ARSK: variants seen among roughly 807,000 people sequenced by gnomAD.
ARSK encodes the protein arylsulfatase K.
In ARSK, 37 loss-of-function variants were observed where a neutral mutation model predicts 53.2. The observed-to-expected ratio is 0.70, with a 90% CI of 0.54 to 0.92. The LOEUF is 0.92. Ranked by LOEUF, ARSK falls within the 40% of genes least tolerant of loss-of-function variation. ARSK has a pLI of 0.00. For synonymous variants in ARSK, 208 were observed against 223.2 expected, an observed-to-expected ratio of 0.93 and a Z score of 0.61; for missense variants, 613 against 643.0, an observed-to-expected ratio of 0.95 and a Z score of 0.51.
At chr5:95,588,699 C>T (rs569333670) in intron 5 of ARSK, among the ~76,000 whole-genome samples, 1 of 152,196 alleles carries the variant, frequency 6.6e-6, no homozygotes, top group East Asian at 1.9e-4. Flanking sequence ...ATTTGTGGCT[C>T]ACGCCTGTAA....
intron 6 of ARSK, among the ~76,000 whole-genome samples, chr5:95,596,957 G>T (rs1448294779): frequency 1.3e-4 from 20 of 151,974 alleles, no homozygotes; most frequent in African/African-American, 4.8e-4. Context: ...AGTGTGATAG[G>T]ATACTATTAC....
intron 6 of ARSK, among the ~76,000 whole-genome samples, chr5:95,599,482 C>T (rs1749362706): frequency 6.6e-6 from 1 of 152,178 alleles, no homozygotes; most frequent in Non-Finnish European, 1.5e-5. Flanking sequence ...CCCTCACAGC[C>T]TTCTTTCCAC....
chr5:95,592,155 G>A (rs1466314868), intron 6 of ARSK, among the ~76,000 whole-genome samples: 3 of 152,100 alleles, frequency 2.0e-5, no homozygotes, highest in Non-Finnish European at 4.4e-5. Context: ...CTAGAATAAC[G>A]ACATAATCAA....
intron 3 of ARSK, among the ~76,000 whole-genome samples, chr5:95,581,761 C>T (rs988106349): frequency 1.2e-4 from 19 of 152,154 alleles, no homozygotes; most frequent in Non-Finnish European, 1.9e-4. Context: ...CAAAATGAGA[C>T]GCCAGTGTCA....
chr5:95,601,059 C>T lies in ARSK; in HGVS notation c.1309C>T (p.Pro437Ser), dbSNP rs1749394880. 1 of 1,612,678 alleles carries T rather than the reference C, an allele frequency of 6.2e-7. No homozygotes were observed. Among genetic ancestry groups the T allele is most frequent in the African/African-American group, 1.3e-5 (1 of 74,892 alleles). The change falls in exon 7 of 8, where the codon CCT (proline) becomes TCT (serine). Residue 437 changes from proline to serine, a missense_variant. Transcript: ENST00000380009. The part of the protein sequence containing the change: ...IAYSDGASIL[P>S]QLFDLSSDPD... ...CTATTCGGATGGTGCATCAATATTGCCTCAACTCTTTGGTAAGTTTGTTAA... is the reference window on the plus strand; with the variant it reads ...CTATTCGGATGGTGCATCAATATTGTCTCAACTCTTTGGTAAGTTTGTTAA...
intron 3 of ARSK, among the ~76,000 whole-genome samples, chr5:95,574,959 A>G (rs1033317029): frequency 1.3e-5 from 2 of 152,320 alleles, no homozygotes; most frequent in African/African-American, 4.8e-5. Context: ...GCTTTCTTTT[A>G]GTAATTTCAT....
At chr5:95,576,634 C>G (rs1748928932) in intron 3 of ARSK, among the ~76,000 whole-genome samples, 1 of 151,880 alleles carries the variant, frequency 6.6e-6, no homozygotes, top group Non-Finnish European at 1.5e-5. Context: ...CCTGTAACCC[C>G]AGCACTTTGG....
intron 6 of ARSK, among the ~76,000 whole-genome samples, chr5:95,598,669 T>G (rs765687755): frequency 7.9e-5 from 12 of 152,182 alleles, no homozygotes; most frequent in Non-Finnish European, 1.8e-4. Context: ...GATTTCCCAT[T>G]TCACCTAGAG....
In ARSK at chr5:95,601,795, C is replaced by T. The variant is rs1749404830; in HGVS notation, c.1321+724C>T. Among the ~76,000 whole-genome samples, 7 of 152,276 alleles carry T rather than the reference C, an allele frequency of 4.6e-5. No individual in the cohort carries two copies. The South Asian group carries it at 1.4e-3, about 32-fold the overall frequency. ...TATTATCAAAATAATACTTTGGGGG[C>T]CAAACTGGCCAACCCCCTTCACTTG... is the stretch of plus-strand genomic sequence containing the variant. On this transcript the variant is annotated intron_variant, in intron 7 of 7. Coordinates refer to ENST00000380009, the MANE Select transcript of ARSK (RefSeq NM_198150.3).
rs564884775 is a variant in ARSK at position 95,589,234 on chromosome 5, G to A, written c.872-2167G>A. On this transcript the variant is annotated intron_variant, in intron 5 of 7. Coordinates refer to ENST00000380009, the MANE Select transcript of ARSK (RefSeq NM_198150.3). ...CTAATTATTCGTCTGTTTACCATCT[G>A]TTTCCCTAGAAGAACACAAGCTTCA... 2.0e-5 allele frequency among the ~76,000 whole-genome samples: 3 copies of A among 152,272 alleles called. No homozygotes were observed. In the East Asian group the frequency reaches 5.8e-4, roughly 29 times the overall value.
chr5:95,582,385 G>A (rs1167402569), intron 3 of ARSK, among the ~76,000 whole-genome samples: 2 of 152,064 alleles, frequency 1.3e-5, no homozygotes, highest in Admixed American at 1.3e-4. Flanking sequence ...ATCACTATTA[G>A]CTTAGATAGC....
At chr5:95,583,709 GT>G (rs1749060467) in intron 4 of ARSK, among the ~76,000 whole-genome samples, 1 of 151,992 alleles carries the variant, frequency 6.6e-6, no homozygotes, top group South Asian at 2.1e-4. Context: ...AATTTTTTTG[GT>G]TAAAAAACTT....
chr5:95,601,004 G>A lies in ARSK; in HGVS notation c.1254G>A (p.Met418Ile), dbSNP rs778009188. ...GTAATGTGAATGCCTCCACCTACATGCTTCGAACTAACCACTGGAAATATA... is the reference window on the plus strand; with the variant it reads ...GTAATGTGAATGCCTCCACCTACATACTTCGAACTAACCACTGGAAATATA... ...HGCNVNASTY[M>I]LRTNHWKYIA... The change falls in exon 7 of 8, where the codon ATG becomes ATA. Residue 418 changes from methionine (M) to isoleucine (I), a missense_variant. Met to Ile is a conservative substitution (Grantham distance 10). Coordinates refer to ENST00000380009, the MANE Select transcript of ARSK (RefSeq NM_198150.3). 3.1e-6 allele frequency: 5 copies of A among 1,614,062 alleles called. No homozygotes were observed. The highest frequency in any genetic ancestry group is 1.3e-5 in the African/African-American group (1 of 75,026).
intron 4 of ARSK, among the ~76,000 whole-genome samples, chr5:95,583,656 G>T (rs1205956987): frequency 6.6e-6 from 1 of 152,040 alleles, no homozygotes; most frequent in Non-Finnish European, 1.5e-5. Flanking sequence ...TTTATATAGT[G>T]CACTATAATG....
intron 1 of ARSK, among the ~76,000 whole-genome samples, chr5:95,557,998 T>A (rs1378692371): frequency 2.0e-5 from 3 of 152,170 alleles, no homozygotes; most frequent in Non-Finnish European, 4.4e-5. Flanking sequence ...TGAACTATAG[T>A]TTTGACAGAG....
In ARSK at chr5:95,603,218, C is replaced by A. The variant is rs1280268020; in HGVS notation, c.1322-19C>A. The A allele has an allele frequency of 6.6e-7, 1 of 1,518,998 alleles. No homozygotes were observed. Among genetic ancestry groups the A allele is most frequent in the African/African-American group, 1.4e-5 (1 of 71,688 alleles). 94.1% of individuals were successfully genotyped at this position (1,518,998 alleles called of 1,614,324 possible). A position where few individuals can be genotyped will look rare whatever the true frequency, so the allele number is the denominator to read the frequency against. On this transcript the variant is annotated intron_variant, in intron 7 of 7. Transcript: ENST00000380009. ...TAGCAGGTCACTATTTTGACAGATACTTATTTTTTTTCTTTCAGATCTTTC... is the reference window on the plus strand; with the variant it reads ...TAGCAGGTCACTATTTTGACAGATAATTATTTTTTTTCTTTCAGATCTTTC...
chr5:95,585,778 G>A (rs1431367274), intron 4 of ARSK, among the ~76,000 whole-genome samples: 4 of 152,046 alleles, frequency 2.6e-5, no homozygotes, highest in Admixed American at 2.6e-4. Context: ...ACTTATTCAT[G>A]CAACCACGCC....
rs749741870 is a variant in ARSK at position 95,555,443 on chromosome 5, G to A, written c.126+39G>A. The A allele has an allele frequency of 6.4e-7, 1 of 1,567,822 alleles. No individual in the cohort carries two copies. The highest frequency in any genetic ancestry group is 8.7e-7 in the Non-Finnish European group (1 of 1,154,374). ...GGCAGGGGAGGGGCGCCCCGCTGGGGATCGGCGACCTCACCGCCGCCGCCT... is the reference window on the plus strand; with the variant it reads ...GGCAGGGGAGGGGCGCCCCGCTGGGAATCGGCGACCTCACCGCCGCCGCCT... On this transcript the variant is annotated intron_variant, in intron 1 of 7. Transcript: ENST00000380009. The surrounding 1 kb of genome is among the most constrained non-coding windows in gnomAD (Gnocchi z 4.0).
intron 2 of ARSK, 86 bp downstream of exon 2, chr5:95,566,213 A>G: frequency 1.3e-6 from 2 of 1,500,684 alleles, no homozygotes; most frequent in South Asian, 1.3e-5. Context: ...CTAAAAGTAG[A>G]ATAGTTGTAT....
Sources: gnomAD v4.1 joint callset for allele counts (sites outside exome capture counted in the v4.1 genomes callset) on GRCh38, gnomAD v4.1.1 for gene constraint, Gnocchi (gnomAD v3.1) non-coding constraint, MANE v1.5 for transcripts, NCBI Gene and HGNC (gene_info 2026-07-23, HGNC 2026-07-21) for gene names.